Variants in ABCA2 observed in about 807,000 individuals in gnomAD.
ABCA2 encodes the protein ATP binding cassette subfamily A member 2.
In ABCA2, 84 loss-of-function variants were observed where a neutral mutation model predicts 262.8. The observed-to-expected ratio is 0.32, with a 90% CI of 0.27 to 0.38. The LOEUF is 0.38. Ranked by LOEUF, ABCA2 falls within the 10% of genes least tolerant of loss-of-function variation. The pLI is 1.00. For synonymous variants in ABCA2, 1,696 were observed against 1,502.9 expected, an observed-to-expected ratio of 1.13 and a Z score of -2.97; for missense variants, 2,662 against 3,405.9, an observed-to-expected ratio of 0.78 and a Z score of 5.44.
chr9:137,023,922 A>G, intron 2 of ABCA2, 82 bp from the exon 3 acceptor site: 1 of 1,233,064 alleles, frequency 8.1e-7, no homozygotes, highest in Non-Finnish European at 1.2e-6. Flanking sequence ...GAGTGCCCAC[A>G]TCACCAGGAA....
Position 137,014,928 on chromosome 9 carries a change from G to A in ABCA2, c.3867C>T (p.Phe1289=), listed in dbSNP as rs547343644. Residue 1289 remains phenylalanine, a synonymous_variant, in exon 25 of 49, where the codon TTC becomes TTT. Coordinates refer to ENST00000341511, the MANE Select transcript of ABCA2 (RefSeq NM_001606.5). ...LPSEAAKKGA[F]ERLFQHLERS... ...GCCCTCACACCTGGAAGAGGCGCTC[G>A]AAAGCCCCCTTCTTGGCGGCCTCGC... 16 of 1,568,076 alleles carry A rather than the reference G, an allele frequency of 1.0e-5. No homozygotes were observed. Among genetic ancestry groups the A allele is most frequent in the Admixed American group, 3.6e-5 (2 of 56,252 alleles).
Position 137,011,047 on chromosome 9 carries a change from C to T in ABCA2, c.5982G>A (p.Val1994=). Residue 1994 remains valine, a synonymous_variant, in exon 39 of 49, where the codon GTG becomes GTA. Coordinates refer to ENST00000341511, the MANE Select transcript of ABCA2 (RefSeq NM_001606.5). The surrounding 1 kb of genome is among the most constrained non-coding windows in gnomAD (Gnocchi z 8.8). Reference sequence around the variant, plus strand: ...CCACGACGCCCTCAACCGCCATGGCCACCAGTCCGCGGGTGACAATGTCCC... The same window carrying T: ...CCACGACGCCCTCAACCGCCATGGCTACCAGTCCGCGGGTGACAATGTCCC... ...FEWDIVTRGL[V]AMAVEGVVGF... The T allele has an allele frequency of 6.2e-7, 1 of 1,611,860 alleles. No homozygotes were observed. The highest frequency in any genetic ancestry group is 8.5e-7 in the Non-Finnish European group (1 of 1,179,694).
chr9:137,012,620 G>T (rs746535366), intron 31 of ABCA2, 30 bp from the exon 32 acceptor site: 1 of 1,610,254 alleles, frequency 6.2e-7, no homozygotes, highest in South Asian at 1.1e-5. Context: ...GGGCGGTGAG[G>T]CTAGGCAGGC....
In ABCA2 at chr9:137,011,756, G is replaced by C. The variant is rs1438538449; in HGVS notation, c.5536-7C>G. The C allele has an allele frequency of 6.4e-7, 1 of 1,550,524 alleles. No homozygotes were observed. The highest frequency in any genetic ancestry group is 1.4e-5 in the African/African-American group (1 of 73,080). ...CGGGGACCAGGTAGTTGAGCTGCAG[G>C]GGTGGGGGCGGCTGGTGAGAGACCC... On this transcript the variant is annotated splice_polypyrimidine_tract_variant and splice_region_variant and intron_variant, in intron 35 of 48. Coordinates refer to ENST00000341511, the MANE Select transcript of ABCA2 (RefSeq NM_001606.5). This position sits in a 1 kb window ranked among gnomAD's most constrained non-coding sequence, Gnocchi z 8.8.
In ABCA2 at chr9:137,016,720, CG is replaced by C. The variant is rs1298463563; in HGVS notation, c.2776del (p.Arg926GlyfsTer83). On this transcript the variant is annotated frameshift_variant, in exon 20 of 49. Coordinates refer to ENST00000341511, the MANE Select transcript of ABCA2 (RefSeq NM_001606.5). LOFTEE classifies it high-confidence loss of function. Reference sequence around the variant, plus strand: ...CTTCTGCAGTGGGAAGTACCAGGGCCGGGGCAGCCCGTACATGCCTGGGGGT... The same window carrying C: ...CTTCTGCAGTGGGAAGTACCAGGGCCGGGCAGCCCGTACATGCCTGGGGGT... ...AVHPGMYGLPRPWYFPLQKSY... is the reference protein window; with the variant it reads ...AVHPGMYGLPXPWYFPLQKSY... 1 of 1,558,816 alleles carries C rather than the reference CG, an allele frequency of 6.4e-7. No homozygotes were observed.
intron 48 of ABCA2, 41 bp from the exon 49 acceptor site, chr9:137,008,005 C>T: frequency 6.3e-7 from 1 of 1,589,576 alleles, no homozygotes; most frequent in Non-Finnish European, 8.5e-7. Context: ...CATCCTGTGC[C>T]ACCCCCTGCT....
At chr9:137,010,821 G>A in intron 39 of ABCA2, 84 bp from the exon 40 acceptor site, 2 of 1,489,510 alleles carry the variant, frequency 1.3e-6, no homozygotes, top group Non-Finnish European at 1.8e-6. Context: ...CTCTGGCTGT[G>A]GCATGTAAGA....
chr9:137,023,600 T>A (rs1831551779), intron 3 of ABCA2: 1 of 730,346 alleles, frequency 1.4e-6, no homozygotes, highest in Non-Finnish European at 2.5e-6. Context: ...GGCAGAGAGA[T>A]GCCGCCTCAG....
chr9:137,009,751 C>A lies in ABCA2; in HGVS notation c.6630+18G>T. The A allele has an allele frequency of 1.2e-6, 2 of 1,608,978 alleles. No individual in the cohort carries two copies. The highest frequency in any genetic ancestry group is 1.7e-6 in the Non-Finnish European group (2 of 1,177,076). On this transcript the variant is annotated intron_variant, in intron 43 of 48. Coordinates refer to ENST00000341511, the MANE Select transcript of ABCA2 (RefSeq NM_001606.5). ...AGTCAAAGGCCAGGCAGCCACCCCC[C>A]ACCCACCCAGGACTTACCAGGAAGA...
At position 137,018,773 on chromosome 9, in the gene ABCA2, T is replaced by A. The variant is rs1183948596; in HGVS notation, c.1765A>T (p.Ile589Phe). The A allele has an allele frequency of 6.2e-7, 1 of 1,612,352 alleles. No homozygotes were observed. The highest frequency in any genetic ancestry group is 8.5e-7 in the Non-Finnish European group (1 of 1,179,830). Residue 589 changes from isoleucine to phenylalanine, a missense_variant, in exon 13 of 49, where the codon ATT (isoleucine) becomes TTT (phenylalanine). Ile to Phe is a conservative substitution (Grantham distance 21, BLOSUM62 0). Coordinates refer to ENST00000341511, the MANE Select transcript of ABCA2 (RefSeq NM_001606.5). ...IFKGFPDEES[I>F]VNYTLNQAYQ... ...GCCTGGTTGAGGGTGTAGTTGACAA[T>A]GCTCTCCTCGTCGGGGAAGCCCTTG...
intron 40 of ABCA2, 91 bp from the exon 41 acceptor site, chr9:137,010,462 G>A (rs1830994922): frequency 8.1e-7 from 1 of 1,227,282 alleles, no homozygotes; most frequent in South Asian, 1.4e-5. Context: ...CACCTCCAGA[G>A]CCCAGGGGGC....
rs896855992 is a variant in ABCA2 at position 137,019,222 on chromosome 9, G to A, written c.1510C>T (p.Leu504=). The A allele has an allele frequency of 6.2e-7, 1 of 1,612,580 alleles. No homozygotes were observed. The highest frequency in any genetic ancestry group is 1.3e-5 in the African/African-American group (1 of 74,934). The change falls in exon 11 of 49, where the codon CTG becomes TTG. Residue 504 remains leucine, a synonymous_variant. Coordinates refer to ENST00000341511, the MANE Select transcript of ABCA2 (RefSeq NM_001606.5). The surrounding 1 kb of genome is among the most constrained non-coding windows in gnomAD (Gnocchi z 4.4). ...TGTTGCTGCAGCCTGCCCTGCTCCA[G>A]GAAGCTGCGGATCTCCGCCGAGATG... ...LNISAEIRSF[L]EQGRLQQHLR...
chr9:137,013,030 G>A lies in ABCA2; in HGVS notation c.4839C>T (p.Asn1613=), dbSNP rs368855800. The A allele has an allele frequency of 4.6e-5, 70 of 1,521,100 alleles. No homozygotes were observed. In the African/African-American group the frequency reaches 8.2e-4, roughly 18 times the overall value. 94.2% of individuals were successfully genotyped at this position (1,521,100 alleles called of 1,614,324 possible). ...GCCCAGCGGTGGGCGGCAGGGAGACGTTCCAGGCCTGCAGGTCCTCATCCG... is the reference window on the plus strand; with the variant it reads ...GCCCAGCGGTGGGCGGCAGGGAGACATTCCAGGCCTGCAGGTCCTCATCCG... ...ASPDEDLQAW[N]VSLPPTAGPE... is the part of the protein sequence containing the mutation. Residue 1613 remains asparagine (N), a synonymous_variant, in exon 30 of 49, where the codon AAC becomes AAT. Coordinates refer to ENST00000341511, the MANE Select transcript of ABCA2 (RefSeq NM_001606.5).
At position 137,019,417 on chromosome 9, in the gene ABCA2, T is replaced by A; in HGVS notation, c.1426-111A>T. On this transcript the variant is annotated intron_variant, in intron 10 of 48. Coordinates refer to ENST00000341511, the MANE Select transcript of ABCA2 (RefSeq NM_001606.5). The surrounding 1 kb of genome is among the most constrained non-coding windows in gnomAD (Gnocchi z 4.4). Reference sequence around the variant, plus strand: ...CTGGTCCATTGCCAACAACTAACCCTCCCCACCTTTTTTTTTTTTTTTTTC... The same window carrying A: ...CTGGTCCATTGCCAACAACTAACCCACCCCACCTTTTTTTTTTTTTTTTTC... 2.4e-4 allele frequency: 190 copies of A among 776,286 alleles called. No homozygotes were observed. Among genetic ancestry groups the A allele is most frequent in the Middle Eastern group, 4.1e-4 (1 of 2,432 alleles). 48.1% of individuals were successfully genotyped at this position (776,286 alleles called of 1,614,324 possible). A position where few individuals can be genotyped will look rare whatever the true frequency, so the allele number is the denominator to read the frequency against.
chr9:137,018,843 G>C, intron 12 of ABCA2, 28 bp from the exon 13 acceptor site: 2 of 1,612,472 alleles, frequency 1.2e-6, no homozygotes, highest in Non-Finnish European at 1.7e-6. Flanking sequence ...GCTGGAGCCC[G>C]CCGTGGGCAT....
chr9:137,024,777 A>T (rs1220441897), intron 1 of ABCA2, among the ~76,000 whole-genome samples: 3 of 149,322 alleles, frequency 2.0e-5, no homozygotes, highest in Non-Finnish European at 4.4e-5. Context: ...TAACAGCCCC[A>T]GTCCCTGAAG....
intron 1 of ABCA2, among the ~76,000 whole-genome samples, chr9:137,025,263 T>C (rs1339078215): frequency 6.6e-6 from 1 of 152,206 alleles, no homozygotes; most frequent in Non-Finnish European, 1.5e-5. Flanking sequence ...ACTTTACCGG[T>C]TCTTGTGTCC....
Position 137,028,189 on chromosome 9 carries a change from C to T in ABCA2, c.-49G>A. ...CAGCGCCGCGGCCCGCTCCTCTGCG[C>T]GCCCCGCCGGGCCCCGCAGCCCGCC... On this transcript the variant is annotated 5_prime_UTR_variant, in exon 1 of 49. Transcript: ENST00000341511. This position sits in a 1 kb window ranked among gnomAD's most constrained non-coding sequence, Gnocchi z 6.9. 1.0e-6 allele frequency: 1 copy of T among 980,298 alleles called. No homozygotes were observed. The highest frequency in any genetic ancestry group is 1.2e-6 in the Non-Finnish European group (1 of 827,856). The allele number at this position is 980,298 out of a possible 1,614,324, so 60.7% of individuals were successfully genotyped here. A position where few individuals can be genotyped will look rare whatever the true frequency, so the allele number is the denominator to read the frequency against.
rs888755645 is a variant in ABCA2, at chr9:137,007,774, C to T, written c.*155G>A. The T allele has an allele frequency of 7.5e-6, 8 of 1,066,084 alleles. No individual in the cohort carries two copies. The highest frequency in any genetic ancestry group is 2.6e-5 in the East Asian group (1 of 38,606). The allele number at this position is 1,066,084 out of a possible 1,614,324, so 66.0% of individuals were successfully genotyped here. ...AACCGCAGTGACCACAGGGCATGGC[C>T]GAGTACAGGGGCTGGAGGACCAGAA... On this transcript the variant is annotated 3_prime_UTR_variant, in exon 49 of 49. Coordinates refer to ENST00000341511, the MANE Select transcript of ABCA2 (RefSeq NM_001606.5).
Sources: allele counts gnomAD v4.1 joint callset (sites outside exome capture counted in the v4.1 genomes callset), GRCh38; gene constraint gnomAD v4.1.1; non-coding constraint Gnocchi (gnomAD v3.1); transcripts MANE v1.5; gene names NCBI Gene and HGNC (gene_info 2026-07-23, HGNC 2026-07-21).